The following MPP7 variants were observed in gnomAD, a reference collection of about 807,000 sequenced individuals.
MPP7 encodes MAGUK p55 scaffold protein 7.
MPP7 carries 60 observed loss-of-function variants against 76.5 expected under a neutral mutation model. That is an observed-to-expected ratio of 0.78 (90% CI 0.64 to 0.97). The LOEUF is 0.97. Ranked by LOEUF, MPP7 falls within the 50% of genes least tolerant of loss-of-function variation. The pLI is 0.00. For missense variants in MPP7, 641 were observed against 694.0 expected (o/e 0.92, Z 0.86); for synonymous variants, 237 against 244.5 (o/e 0.97, Z 0.29).
intron 2 of MPP7, among the ~76,000 whole-genome samples, chr10:28,218,405 T>G (rs543981646): frequency 1.3e-5 from 2 of 152,272 alleles, no homozygotes; most frequent in Non-Finnish European, 2.9e-5. Flanking sequence ...CAAAATCGTG[T>G]GTGGAAGAAA....
chr10:28,267,686 C>A (rs780442379), intron 1 of MPP7, among the ~76,000 whole-genome samples: 2 of 152,208 alleles, frequency 1.3e-5, no homozygotes, highest in Non-Finnish European at 2.9e-5. Flanking sequence ...ATAAGGGATA[C>A]CCAACCTGTA....
intron 1 of MPP7, among the ~76,000 whole-genome samples, chr10:28,249,159 T>G (rs574494540): frequency 6.6e-6 from 1 of 151,952 alleles, no homozygotes; most frequent in East Asian, 1.9e-4. Flanking sequence ...ATATTATTTA[T>G]TTTGTGTTTC....
At position 28,112,206 on chromosome 10, in the gene MPP7, A is replaced by G. The variant is rs542558654; in HGVS notation, c.952+7445T>C. Among the ~76,000 whole-genome samples, 8 of 152,320 alleles carry G rather than the reference A, an allele frequency of 5.3e-5. No homozygotes were observed. In the South Asian group the frequency reaches 6.2e-4, roughly 12 times the overall value. The stretch of plus-strand genomic sequence containing the variant: ...ACGGTTAGAAAACAAGAAATAAACG[A>G]TATGATGTGGCTTAGGCAAACAGCT... On this transcript the variant is annotated intron_variant, in intron 11 of 16. Transcript: ENST00000683449.
At chr10:28,065,286 A>C (rs1342719354) in intron 13 of MPP7, among the ~76,000 whole-genome samples, 4 of 152,222 alleles carry the variant, frequency 2.6e-5, no homozygotes, top group Non-Finnish European at 5.9e-5. Context: ...TTAGAACCAC[A>C]TCAAGGGGTA....
chr10:28,159,669 A>G (rs1252090601), intron 3 of MPP7, among the ~76,000 whole-genome samples: 1 of 152,170 alleles, frequency 6.6e-6, no homozygotes, highest in Non-Finnish European at 1.5e-5. Context: ...AGCTAAGTGT[A>G]GATACTCACT....
intron 3 of MPP7, among the ~76,000 whole-genome samples, chr10:28,199,716 C>G (rs1475817498): frequency 6.6e-6 from 1 of 152,042 alleles, no homozygotes; most frequent in Non-Finnish European, 1.5e-5. Context: ...ATGCAATCCT[C>G]CCACATCAGA....
intron 16 of MPP7, 106 bp downstream of exon 16, chr10:28,056,374 G>A: frequency 2.5e-6 from 3 of 1,195,368 alleles, no homozygotes; most frequent in Non-Finnish European, 3.5e-6. Flanking sequence ...GGCCAGGCTG[G>A]TCTTGAACTC....
chr10:28,095,165 C>A (rs1370251983), intron 11 of MPP7, among the ~76,000 whole-genome samples: 1 of 141,128 alleles, frequency 7.1e-6, no homozygotes, highest in African/African-American at 2.6e-5. Context: ...TTTACATACA[C>A]ACATATCTGA....
chr10:28,313,454 C>G (rs1488432506), intron 2 of MPP7, among the ~76,000 whole-genome samples: 1 of 151,942 alleles, frequency 6.6e-6, no homozygotes, highest in Non-Finnish European at 1.5e-5. Context: ...TGCAGTGAGC[C>G]TAGATTACAC....
chr10:28,327,378 G>A (rs1834426868), intron 2 of MPP7, among the ~76,000 whole-genome samples: 1 of 138,952 alleles, frequency 7.2e-6, no homozygotes, highest in Admixed American at 6.8e-5. Flanking sequence ...AAGATTTGCA[G>A]CTGGAAAAAA....
At chr10:28,195,258 A>T (rs1246068809) in intron 3 of MPP7, among the ~76,000 whole-genome samples, 1 of 152,232 alleles carries the variant, frequency 6.6e-6, no homozygotes, top group Non-Finnish European at 1.5e-5. Context: ...GTTGGTGAAG[A>T]TACAGACAAA....
intron 1 of MPP7, among the ~76,000 whole-genome samples, chr10:28,270,705 T>A (rs1840301613): frequency 6.6e-6 from 1 of 152,186 alleles, no homozygotes; most frequent in Non-Finnish European, 1.5e-5. Context: ...ATATTTATCA[T>A]TAAAAATGCA....
intron 2 of MPP7, among the ~76,000 whole-genome samples, chr10:28,327,725 T>C (rs1244496768): frequency 1.3e-5 from 2 of 152,176 alleles, no homozygotes; most frequent in African/African-American, 4.8e-5. Flanking sequence ...AAGAACCAAG[T>C]GAAAATTTTA....
intron 3 of MPP7, among the ~76,000 whole-genome samples, chr10:28,179,084 C>T (rs1836971529): frequency 6.6e-6 from 1 of 152,064 alleles, no homozygotes; most frequent in African/African-American, 2.4e-5. Context: ...TGAAAAGGTC[C>T]ATTGGATCCA....
At chr10:28,070,078 A>C (rs1279009306) in intron 12 of MPP7, among the ~76,000 whole-genome samples, 1 of 152,138 alleles carries the variant, frequency 6.6e-6, no homozygotes, top group East Asian at 1.9e-4. Flanking sequence ...AAGGATAGAA[A>C]GATTTATGTT....
chr10:28,300,949 GAAA>G (rs71523600), intron 1 of MPP7, among the ~76,000 whole-genome samples: 2 of 108,548 alleles, frequency 1.8e-5, no homozygotes, highest in Non-Finnish European at 2.0e-5. Flanking sequence ...CTCCACCTCA[GAAA>G]AAAAAAAAAA....
At chr10:28,278,328 A>G (rs190005918) in intron 1 of MPP7, among the ~76,000 whole-genome samples, 2 of 152,226 alleles carry the variant, frequency 1.3e-5, no homozygotes, top group East Asian at 1.9e-4. Context: ...GGAACACAAA[A>G]TATTGAGACA....
chr10:28,118,084 G>T, intron 11 of MPP7: 1 of 959,620 alleles, frequency 1.0e-6, no homozygotes, highest in Non-Finnish European at 1.2e-6. Flanking sequence ...ATATTTATCA[G>T]ATCCAAATAT....
At chr10:28,212,709 G>T (rs1838180640) in intron 2 of MPP7, among the ~76,000 whole-genome samples, 1 of 152,202 alleles carries the variant, frequency 6.6e-6, no homozygotes, top group Non-Finnish European at 1.5e-5. Context: ...CACTCCGAGT[G>T]CTGTAATCTC....
Sources: allele counts gnomAD v4.1 joint callset (sites outside exome capture counted in the v4.1 genomes callset), GRCh38; gene constraint gnomAD v4.1.1; transcripts MANE v1.5; gene names NCBI Gene and HGNC (gene_info 2026-07-23, HGNC 2026-07-21).